SMPD4: variants seen among roughly 807,000 people sequenced by gnomAD.
SMPD4 encodes neutral sphingomyelinase 3.
SMPD4 carries 58 observed loss-of-function variants against 97.8 expected under a neutral mutation model. The ratio of observed to expected loss-of-function variants is 0.59; its 90% CI spans 0.48 to 0.74. The LOEUF is 0.74. SMPD4 is among the 30% of genes least tolerant of loss of function. SMPD4 has a pLI of 0.00. For missense variants in SMPD4, 853 were observed against 1,080.5 expected (o/e 0.79, Z 2.95); for synonymous variants, 388 against 450.0 (o/e 0.86, Z 1.74).
intron 10 of SMPD4, among the ~76,000 whole-genome samples, chr2:130,162,813 TGTTTTGC>T (rs967798184): frequency 2.6e-5 from 4 of 152,240 alleles, no homozygotes; most frequent in African/African-American, 9.6e-5. Context: ...TTGCGTTTTG[TGTTTTGC>T]CTGAACTGGA....
chr2:130,166,867 AGT>A (rs1301381540), intron 9 of SMPD4, among the ~76,000 whole-genome samples: 12 of 152,366 alleles, frequency 7.9e-5, no homozygotes, highest in African/African-American at 2.9e-4. Flanking sequence ...CTCACCATTC[AGT>A]GTCATGGAAA....
rs1174687059 is a variant in SMPD4, at chr2:130,154,279, G to A, written c.1657C>T (p.Leu553=). ...TPMFGPEART[L]VLRLAQLITQ... ...ACAGGCACCGCCGAACCACTCACCA[G>A]GGTGCGGGCCTCGGGCCCAAACATC... Residue 553 remains leucine, a splice_region_variant and synonymous_variant, in exon 16 of 20, where the codon CTG becomes TTG. Coordinates refer to ENST00000680298, the MANE Select transcript of SMPD4 (RefSeq NM_017951.5). 1.9e-6 allele frequency: 3 copies of A among 1,596,184 alleles called. No homozygotes were observed. Among genetic ancestry groups the A allele is most frequent in the Non-Finnish European group, 2.6e-6 (3 of 1,169,906 alleles).
In SMPD4 at chr2:130,167,492, G is replaced by A; in HGVS notation, c.758C>T (p.Ser253Phe). 6.2e-7 allele frequency: 1 copy of A among 1,613,820 alleles called. No individual in the cohort carries two copies. The highest frequency in any genetic ancestry group is 8.5e-7 in the Non-Finnish European group (1 of 1,179,860). ...HQTSVNADPA[S>F]HEIWRSETLL... ...AGTTTCTGACCTCCAGATCTCGTGG[G>A]AGGCGGGGTCTGCATTCACAGACGT... The change falls in exon 9 of 20, where the codon TCC becomes TTC. Residue 253 changes from serine (S) to phenylalanine (F), a missense_variant. Physicochemically the swap from Ser to Phe is radical, Grantham distance 155. This residue lies in a region of SMPD4 where 313 missense variants were observed against 402.2 expected (regional missense o/e 0.78). Transcript: ENST00000680298.
rs747416109 is a variant in SMPD4, at chr2:130,156,067, G to A, written c.1257C>T (p.Ser419=). ...RYAPDKQAPG[S]DSQPRCVSEK... is the part of the protein sequence containing the mutation. ...CCGACACACACCGGGGCTGGGAGTC[G>A]CTGCCCGGAGCCTGCTTGTCAGGCG... is the stretch of plus-strand genomic sequence containing the variant. The change falls in exon 14 of 20, where the codon AGC becomes AGT. Residue 419 remains serine (S), a synonymous_variant. Transcript: ENST00000680298. 43 of 1,611,298 alleles carry A rather than the reference G, an allele frequency of 2.7e-5. No homozygotes were observed. The highest frequency in any genetic ancestry group is 4.3e-4 in the Middle Eastern group (2 of 4,604).
At chr2:130,166,535 T>C (rs1240466068) in intron 9 of SMPD4, among the ~76,000 whole-genome samples, 1 of 152,080 alleles carries the variant, frequency 6.6e-6, no homozygotes, top group East Asian at 1.9e-4. Context: ...GTATGGAGGC[T>C]TCAAAAAGTG....
intron 5 of SMPD4, 90 bp from the exon 6 acceptor site, chr2:130,172,985 A>G (rs1188699970): frequency 6.7e-7 from 1 of 1,496,450 alleles, no homozygotes; most frequent in Non-Finnish European, 9.0e-7. Flanking sequence ...CACTTTGGGA[A>G]GGCTGCTGGG....
chr2:130,159,490 T>G (rs1687175697), intron 11 of SMPD4: 1 of 151,980 alleles, frequency 6.6e-6, no homozygotes, highest in Non-Finnish European at 1.5e-5. Context: ...AATACAAAAA[T>G]TAGCCGGGTG....
At chr2:130,162,637 A>AC (rs1687537743) in intron 10 of SMPD4, among the ~76,000 whole-genome samples, 1 of 152,104 alleles carries the variant, frequency 6.6e-6, no homozygotes, top group Non-Finnish European at 1.5e-5. Flanking sequence ...GAGGAGGATG[A>AC]CCCCAGGAGC....
Position 130,152,868 on chromosome 2 carries a change from G to C in SMPD4, c.2171C>G (p.Ala724Gly), listed in dbSNP as rs146589132. 6.9e-6 allele frequency: 11 copies of C among 1,584,302 alleles called. No homozygotes were observed. The highest frequency in any genetic ancestry group is 9.5e-6 in the Non-Finnish European group (11 of 1,163,162). Residue 724 changes from alanine (A) to glycine (G), a missense_variant, in exon 20 of 20, where the codon GCG (alanine) becomes GGG (glycine). Around this residue, in one of 3 missense-constraint regions of SMPD4, gnomAD observed 511 missense variants for 608.1 expected, o/e 0.84. Transcript: ENST00000680298. ...AINHRFAGQM[A>G]ALCSRDDFLG... ...GAAGTCATCCCGGGAACACAGAGCC[G>C]CCATCTGTCCTGCAAACTGAAGCAC...
At chr2:130,155,415 C>A (rs748821277) in intron 14 of SMPD4, among the ~76,000 whole-genome samples, 156 bp from the exon 15 acceptor site, 1 of 152,038 alleles carries the variant, frequency 6.6e-6, no homozygotes, top group South Asian at 2.1e-4. Context: ...CAGGGGGCCA[C>A]GGGCAGGCAG....
intron 12 of SMPD4, 33 bp from the exon 13 acceptor site, chr2:130,156,708 G>T (rs375205127): frequency 6.2e-7 from 1 of 1,600,888 alleles, no homozygotes; most frequent in Non-Finnish European, 8.5e-7. Flanking sequence ...CCTGCTGCTT[G>T]CCCAGTAAGG....
At chr2:130,154,687 C>G (rs1293565237) in intron 15 of SMPD4, 7 of 635,390 alleles carry the variant, frequency 1.1e-5, no homozygotes, top group Non-Finnish European at 2.0e-5. Flanking sequence ...TCACAGAGCC[C>G]CTAGCAGTGT....
At chr2:130,154,523 G>A in intron 15 of SMPD4, 41 bp from the exon 16 acceptor site, 3 of 1,551,070 alleles carry the variant, frequency 1.9e-6, no homozygotes, top group South Asian at 2.4e-5. Context: ...CTTCCCGGAG[G>A]CAGAGTACCC....
At chr2:130,165,107 TTA>T (rs1687797117) in intron 9 of SMPD4, among the ~76,000 whole-genome samples, 1 of 103,618 alleles carries the variant, frequency 9.7e-6, no homozygotes, top group African/African-American at 5.1e-5. Context: ...AGACTCTGAT[TTA>T]AAAAAAAAAA....
At position 130,152,135 on chromosome 2, in the gene SMPD4, C is replaced by T. The variant is rs199621890; in HGVS notation, c.*420G>A. ...CCTGGTCCCACACAGAGAGAGGAAG[C>T]GCCACAACCCACTCTGCCAACCTCA... On this transcript the variant is annotated 3_prime_UTR_variant, in exon 20 of 20. Transcript: ENST00000680298. 4.2e-4 allele frequency: 77 copies of T among 181,914 alleles called. No homozygotes were observed. The East Asian group carries it at 9.5e-3, about 22-fold the overall frequency. 11.3% of individuals were successfully genotyped at this position (181,914 alleles called of 1,614,324 possible). A position where few individuals can be genotyped will look rare whatever the true frequency, so the allele number is the denominator to read the frequency against.
chr2:130,175,474 C>T (rs1366678455), intron 2 of SMPD4, among the ~76,000 whole-genome samples: 1 of 144,156 alleles, frequency 6.9e-6, no homozygotes, highest in Non-Finnish European at 1.5e-5. Context: ...ACGGCTATGG[C>T]AGAAGCTCTC....
intron 8 of SMPD4, among the ~76,000 whole-genome samples, chr2:130,169,424 A>G (rs960549496): frequency 2.6e-5 from 4 of 152,212 alleles, no homozygotes; most frequent in African/African-American, 9.7e-5. Context: ...CTGAAATATT[A>G]AGAGGTCAAG....
At chr2:130,171,085 T>A (rs1285782812) in intron 8 of SMPD4, among the ~76,000 whole-genome samples, 1 of 150,642 alleles carries the variant, frequency 6.6e-6, no homozygotes, top group East Asian at 1.9e-4. Context: ...TAAAATAAAA[T>A]AAAATAAAAT....
chr2:130,156,071 C>T lies in SMPD4; in HGVS notation c.1253G>A (p.Gly418Asp), dbSNP rs1340338728. The T allele has an allele frequency of 1.2e-6, 2 of 1,611,450 alleles. No homozygotes were observed. Among genetic ancestry groups the T allele is most frequent in the Admixed American group, 1.7e-5 (1 of 60,030 alleles). The change falls in exon 14 of 20, where the codon GGC becomes GAC. Residue 418 changes from glycine to aspartate, a missense_variant. By Grantham distance (94) the Gly-to-Asp change is moderately conservative. This residue lies in a region of SMPD4 where 511 missense variants were observed against 608.1 expected (regional missense o/e 0.84). Transcript: ENST00000680298. Reference sequence around the variant, plus strand: ...CACACACCGGGGCTGGGAGTCGCTGCCCGGAGCCTGCTTGTCAGGCGCGTA... The same window carrying T: ...CACACACCGGGGCTGGGAGTCGCTGTCCGGAGCCTGCTTGTCAGGCGCGTA... Reference protein sequence around the residue: ...WRYAPDKQAPGSDSQPRCVSE... With the variant: ...WRYAPDKQAPDSDSQPRCVSE...
Sources: gnomAD v4.1 joint callset for allele counts (sites outside exome capture counted in the v4.1 genomes callset) on GRCh38, gnomAD v4.1.1 for gene constraint, gnomAD v4.1.1 regional missense constraint, MANE v1.5 for transcripts, NCBI Gene and HGNC (gene_info 2026-07-23, HGNC 2026-07-21) for gene names.